Variants in ATG5 observed in about 807,000 individuals in gnomAD.
ATG5 encodes the protein autophagy related 5, also known as autophagy protein 5.
A neutral mutation model predicts 36.5 loss-of-function variants in ATG5; 14 were observed. The ratio of observed to expected loss-of-function variants is 0.38; its 90% CI spans 0.25 to 0.60. ATG5 has a LOEUF of 0.60. ATG5 is among the 20% of genes least tolerant of loss of function. The pLI, the probability that ATG5 is intolerant of heterozygous loss-of-function variation, is 0.60. For missense variants in ATG5, 195 were observed against 326.7 expected, an observed-to-expected ratio of 0.60 and a Z score of 3.11; for synonymous variants, 95 against 101.5, an observed-to-expected ratio of 0.94 and a Z score of 0.38.
In ATG5 at chr6:106,321,507, C is replaced by T. The variant is rs537617210; in HGVS notation, c.-59+4019G>A. ...CCGAGTAGCTGGGACTACAGGCGCC[C>T]GCCACCGCGCCAAGCTAATTTTTTG... On this transcript the variant is annotated intron_variant, in intron 1 of 7. Transcript: ENST00000369076. Among the ~76,000 whole-genome samples, 27 of 152,164 alleles carry T rather than the reference C, an allele frequency of 1.8e-4. 1 individual carries two copies. In the East Asian group the frequency reaches 4.3e-3, roughly 24 times the overall value.
At chr6:106,229,485 G>A (rs757240513) in intron 6 of ATG5, among the ~76,000 whole-genome samples, 11 of 152,054 alleles carry the variant, frequency 7.2e-5, no homozygotes, top group Non-Finnish European at 1.3e-4. Flanking sequence ...AGAGGAGAGG[G>A]AGAGAGACAA....
intron 6 of ATG5, among the ~76,000 whole-genome samples, chr6:106,213,405 T>C (rs1562215012): frequency 6.6e-6 from 1 of 152,164 alleles, no homozygotes; most frequent in Non-Finnish European, 1.5e-5. Context: ...GCTATATCAG[T>C]AGGTACAAAG....
intron 2 of ATG5, among the ~76,000 whole-genome samples, chr6:106,312,577 C>T (rs1582687913): frequency 6.6e-6 from 1 of 150,400 alleles, no homozygotes; most frequent in African/African-American, 2.4e-5. Context: ...CTAAGAAATA[C>T]CAATATTAAG....
chr6:106,238,273 G>A (rs1344110962), intron 6 of ATG5, among the ~76,000 whole-genome samples: 1 of 152,134 alleles, frequency 6.6e-6, no homozygotes, highest in African/African-American at 2.4e-5. Flanking sequence ...ACTTCCCAGG[G>A]TTCAAGTGAA....
chr6:106,310,464 A>T (rs1184760645), intron 2 of ATG5, among the ~76,000 whole-genome samples: 1 of 152,124 alleles, frequency 6.6e-6, no homozygotes, highest in African/African-American at 2.4e-5. Context: ...CAATGAAAAG[A>T]CATCATCTTC....
intron 6 of ATG5, among the ~76,000 whole-genome samples, chr6:106,243,588 T>C (rs1001863321): frequency 2.7e-5 from 4 of 148,312 alleles, no homozygotes; most frequent in Admixed American, 6.7e-5. Context: ...TCCAGCACTT[T>C]GGGAGGCTGA....
At chr6:106,210,800 TGAA>T (rs1776823465) in intron 6 of ATG5, among the ~76,000 whole-genome samples, 1 of 152,204 alleles carries the variant, frequency 6.6e-6, no homozygotes, top group Non-Finnish European at 1.5e-5. Flanking sequence ...GATTTTTTTG[TGAA>T]GGTTATACAA....
chr6:106,228,987 G>A (rs71572294), intron 6 of ATG5, among the ~76,000 whole-genome samples: 4 of 152,188 alleles, frequency 2.6e-5, no homozygotes, highest in African/African-American at 7.2e-5. Flanking sequence ...AGATCATGTC[G>A]CAGCCAGAAG....
chr6:106,316,541 T>C lies in ATG5; in HGVS notation c.-58-275A>G, dbSNP rs181872038. ...TACTGAACCACAGTCAAAATGAAAC[T>C]GTATCTGCATCAGTCTTTCAAGCCC... On this transcript the variant is annotated intron_variant, in intron 1 of 7. Coordinates refer to ENST00000369076, the MANE Select transcript of ATG5 (RefSeq NM_004849.4). Among the ~76,000 whole-genome samples, 84 of 152,270 alleles carry C rather than the reference T, an allele frequency of 5.5e-4. 1 individual carries two copies. Among genetic ancestry groups the C allele is most frequent in the Admixed American group, 1.0e-3 (16 of 15,300 alleles).
chr6:106,291,259 T>C (rs1460895650), intron 4 of ATG5, among the ~76,000 whole-genome samples: 2 of 152,246 alleles, frequency 1.3e-5, no homozygotes, highest in Non-Finnish European at 2.9e-5. Context: ...TAATAATTAA[T>C]ACTTTGTACT....
In ATG5 at chr6:106,279,837, A is replaced by C. The variant is rs188076304; in HGVS notation, c.316-14T>G. On this transcript the variant is annotated splice_polypyrimidine_tract_variant and intron_variant, in intron 4 of 7. Transcript: ENST00000369076. ...TTCTGGAAAACTCTATCAAAGGAAA[A>C]AATATACATATAAAACAGGATACAC... 586 of 1,459,718 alleles carry C rather than the reference A, an allele frequency of 4.0e-4. 3 individuals are homozygous for C. In the African/African-American group the frequency reaches 7.5e-3, roughly 19 times the overall value. 90.4% of individuals were successfully genotyped at this position (1,459,718 alleles called of 1,614,324 possible).
At chr6:106,209,279 C>T (rs1247559090) in intron 6 of ATG5, among the ~76,000 whole-genome samples, 1 of 152,166 alleles carries the variant, frequency 6.6e-6, no homozygotes, top group East Asian at 1.9e-4. Context: ...CCCAGGGCTA[C>T]CCATTAAAAC....
intron 6 of ATG5, among the ~76,000 whole-genome samples, chr6:106,213,498 T>C (rs868246510): frequency 1.3e-5 from 2 of 152,150 alleles, no homozygotes; most frequent in South Asian, 2.1e-4. Flanking sequence ...GGAGGGAATA[T>C]AGAAGGTCTT....
At chr6:106,313,714 T>C (rs1356938786) in intron 2 of ATG5, among the ~76,000 whole-genome samples, 1 of 152,182 alleles carries the variant, frequency 6.6e-6, no homozygotes, top group Non-Finnish European at 1.5e-5. Flanking sequence ...GAGGAATATA[T>C]GTACTATTAA....
chr6:106,222,565 T>C (rs1777290453), intron 6 of ATG5, among the ~76,000 whole-genome samples: 1 of 152,016 alleles, frequency 6.6e-6, no homozygotes, highest in Admixed American at 6.6e-5. Context: ...AAAGGAAGAG[T>C]AATAAGAAGC....
intron 6 of ATG5, among the ~76,000 whole-genome samples, chr6:106,231,950 C>T (rs1018178401): frequency 2.0e-5 from 3 of 152,122 alleles, no homozygotes; most frequent in East Asian, 1.9e-4. Context: ...GCTTCCAGTG[C>T]GGTCTACAAG....
At chr6:106,292,027 G>A (rs149183233) in intron 4 of ATG5, among the ~76,000 whole-genome samples, 128 of 152,276 alleles carry the variant, frequency 8.4e-4, no homozygotes, top group African/African-American at 2.9e-3. Flanking sequence ...TGGACACCCC[G>A]ATGGGAAAGA....
At chr6:106,295,318 A>C (rs1468298411) in intron 3 of ATG5, among the ~76,000 whole-genome samples, 1 of 152,210 alleles carries the variant, frequency 6.6e-6, no homozygotes, top group Admixed American at 6.5e-5. Context: ...AAAAAGACTT[A>C]ACATTTCAAA....
At chr6:106,320,644 A>T (rs1661220066) in intron 1 of ATG5, among the ~76,000 whole-genome samples, 1 of 151,668 alleles carries the variant, frequency 6.6e-6, no homozygotes, top group African/African-American at 2.4e-5. Context: ...AAAAATCCAT[A>T]AAGTGTTTGA....
Sources: gnomAD v4.1 joint callset for allele counts (sites outside exome capture counted in the v4.1 genomes callset) on GRCh38, gnomAD v4.1.1 for gene constraint, MANE v1.5 for transcripts, NCBI Gene and HGNC (gene_info 2026-07-23, HGNC 2026-07-21) for gene names.